Variants in CADPS2 observed in about 807,000 individuals in gnomAD.
CADPS2 encodes the protein calcium dependent secretion activator 2.
A neutral mutation model predicts 172.5 loss-of-function variants in CADPS2; 93 were observed. That is an observed-to-expected ratio of 0.54 (90% CI 0.46 to 0.64). CADPS2 has a LOEUF of 0.64. Ranked by LOEUF, CADPS2 falls within the 30% of genes least tolerant of loss-of-function variation. The pLI, the probability that CADPS2 is intolerant of heterozygous loss-of-function variation, is 0.00. For missense variants in CADPS2, 1,420 were observed against 1,565.9 expected (o/e 0.91, Z 1.57); for synonymous variants, 546 against 555.2 (o/e 0.98, Z 0.23).
At chr7:122,881,974 A>G (rs1823037814) in intron 1 of CADPS2, among the ~76,000 whole-genome samples, 1 of 152,178 alleles carries the variant, frequency 6.6e-6, no homozygotes, top group African/African-American at 2.4e-5. Context: ...TGAGACTTAC[A>G]TGTACACAGC....
At chr7:122,725,984 G>A (rs1588782814) in intron 2 of CADPS2, among the ~76,000 whole-genome samples, 1 of 151,816 alleles carries the variant, frequency 6.6e-6, no homozygotes, top group African/African-American at 2.4e-5. Flanking sequence ...AAAAGAGTTG[G>A]TGTCTCCTAA....
At chr7:122,589,935 C>G (rs1039533642) in intron 6 of CADPS2, among the ~76,000 whole-genome samples, 6 of 151,826 alleles carry the variant, frequency 4.0e-5, no homozygotes, top group African/African-American at 1.4e-4. Flanking sequence ...AAAATGTAAT[C>G]ATCTCAAGTA....
chr7:122,568,979 G>GA (rs2066831189), intron 7 of CADPS2, among the ~76,000 whole-genome samples: 2 of 152,152 alleles, frequency 1.3e-5, no homozygotes, highest in Non-Finnish European at 2.9e-5. Context: ...ACAAGACAGG[G>GA]ATGCCCTCTC....
At chr7:122,770,247 C>T (rs2093668011) in intron 1 of CADPS2, among the ~76,000 whole-genome samples, 1 of 152,148 alleles carries the variant, frequency 6.6e-6, no homozygotes, top group Admixed American at 6.5e-5. Context: ...TACCCCCATT[C>T]TCTACCCACC....
At position 122,811,287 on chromosome 7, in the gene CADPS2, A is replaced by T. The variant is rs186320425; in HGVS notation, c.340-74219T>A. ...AATTACAAAGGTCCTTTAGATAGTAAGTAGCATATGGCTGCCTTCCAAGTT... is the reference window on the plus strand; with the variant it reads ...AATTACAAAGGTCCTTTAGATAGTATGTAGCATATGGCTGCCTTCCAAGTT... On this transcript the variant is annotated intron_variant, in intron 1 of 29. Transcript: ENST00000449022. Among the ~76,000 whole-genome samples, 73 of 152,302 alleles carry T rather than the reference A, an allele frequency of 4.8e-4. No individual in the cohort carries two copies. In the Middle Eastern group the frequency reaches 0.02, roughly 43 times the overall value.
In CADPS2 at chr7:122,367,539, G is replaced by GTTTTTT. The variant is rs202155427; in HGVS notation, c.3388-6532_3388-6527dup. Among the ~76,000 whole-genome samples the GTTTTTT allele has an allele frequency of 3.3e-3, 331 of 100,516 alleles. 18 individuals are homozygous for GTTTTTT. The highest frequency in any genetic ancestry group is 0.013 in the African/African-American group (283 of 22,632). The allele number at this position is 100,516 out of a possible 152,430, so 65.9% of individuals were successfully genotyped here. ...TAACCATATTCTAAACCTTCCCCCA[G>GTTTTTT]TTTTTTTTTTTTTTTTTTTTTTTTT... On this transcript the variant is annotated intron_variant, in intron 25 of 29. Coordinates refer to ENST00000449022, the MANE Select transcript of CADPS2 (RefSeq NM_017954.11).
At chr7:122,822,798 G>A (rs1052807730) in intron 1 of CADPS2, among the ~76,000 whole-genome samples, 4 of 149,836 alleles carry the variant, frequency 2.7e-5, no homozygotes, top group African/African-American at 7.4e-5. Context: ...AACACCTTGC[G>A]ACCCCCACTC....
intron 1 of CADPS2, among the ~76,000 whole-genome samples, chr7:122,834,118 G>A (rs1183544944): frequency 6.6e-6 from 1 of 152,146 alleles, no homozygotes; most frequent in Non-Finnish European, 1.5e-5. Context: ...TGCCCTTTAA[G>A]TTAACAAGCA....
chr7:122,881,694 A>G (rs1822976337), intron 1 of CADPS2, among the ~76,000 whole-genome samples: 1 of 152,166 alleles, frequency 6.6e-6, no homozygotes. Flanking sequence ...AAGGCATACT[A>G]TGGGGCTTCA....
chr7:122,481,121 T>C (rs1021091419), intron 11 of CADPS2, among the ~76,000 whole-genome samples: 3 of 151,440 alleles, frequency 2.0e-5, no homozygotes, highest in East Asian at 3.9e-4. Flanking sequence ...TCAGGGTCAC[T>C]ACCCTCATTC....
intron 1 of CADPS2, among the ~76,000 whole-genome samples, chr7:122,874,253 A>T (rs1820618124): frequency 1.3e-5 from 2 of 152,276 alleles, no homozygotes; most frequent in East Asian, 1.9e-4. Context: ...CCTGACAGAG[A>T]GCCAAATCAT....
intron 3 of CADPS2, among the ~76,000 whole-genome samples, chr7:122,631,617 G>C (rs1012877061): frequency 3.3e-5 from 5 of 151,568 alleles, no homozygotes; most frequent in Non-Finnish European, 7.4e-5. Flanking sequence ...GATCACATTT[G>C]TCTGAAAAAA....
At chr7:122,551,386 T>A (rs192353039) in intron 8 of CADPS2, among the ~76,000 whole-genome samples, 6 of 152,004 alleles carry the variant, frequency 3.9e-5, no homozygotes, top group Non-Finnish European at 8.8e-5. Flanking sequence ...GTGGGAGGCA[T>A]TGAGAATTCA....
intron 25 of CADPS2, among the ~76,000 whole-genome samples, chr7:122,370,842 G>C (rs568845192): frequency 2.0e-5 from 3 of 152,178 alleles, no homozygotes; most frequent in Non-Finnish European, 4.4e-5. Context: ...AGATGTGGGG[G>C]AGAGTGTTAT....
At chr7:122,682,599 AT>A (rs1371388134) in intron 2 of CADPS2, among the ~76,000 whole-genome samples, 1 of 152,246 alleles carries the variant, frequency 6.6e-6, no homozygotes. Context: ...CTGAAAAAAA[AT>A]ATGTGTTCCC....
At chr7:122,742,765 T>C (rs139150806) in intron 1 of CADPS2, among the ~76,000 whole-genome samples, 27 of 152,310 alleles carry the variant, frequency 1.8e-4, no homozygotes, top group African/African-American at 6.0e-4. Context: ...ACTGTTCTAG[T>C]TAAGAATTAT....
intron 1 of CADPS2, among the ~76,000 whole-genome samples, chr7:122,754,252 G>C (rs1000111606): frequency 6.6e-6 from 1 of 151,988 alleles, no homozygotes; most frequent in Admixed American, 6.5e-5. Context: ...CTTATTATTA[G>C]ATTCTTAAAT....
intron 6 of CADPS2, among the ~76,000 whole-genome samples, chr7:122,606,488 G>A (rs150097469): frequency 2.0e-5 from 3 of 152,150 alleles, no homozygotes; most frequent in African/African-American, 7.2e-5. Flanking sequence ...TGGAACTAGG[G>A]CCTAAATTGA....
At chr7:122,347,778 T>C (rs1025573993) in intron 27 of CADPS2, among the ~76,000 whole-genome samples, 4 of 152,194 alleles carry the variant, frequency 2.6e-5, no homozygotes, top group Non-Finnish European at 4.4e-5. Flanking sequence ...GCTCTTCCAG[T>C]GAAGAGGCAG....
Sources: allele counts gnomAD v4.1 joint callset (sites outside exome capture counted in the v4.1 genomes callset), GRCh38; gene constraint gnomAD v4.1.1; transcripts MANE v1.5; gene names NCBI Gene and HGNC (gene_info 2026-07-23, HGNC 2026-07-21).